Variants in LAMA4 observed in about 807,000 individuals in gnomAD.
LAMA4 encodes the protein laminin subunit alpha 4.
Under a neutral mutation model 207.1 loss-of-function variants are expected in LAMA4, and 127 were observed. The ratio of observed to expected loss-of-function variants is 0.61; its 90% CI spans 0.53 to 0.71. The LOEUF is 0.71. Ranked by LOEUF, LAMA4 falls within the 30% of genes least tolerant of loss-of-function variation. The pLI, the probability that LAMA4 is intolerant of heterozygous loss-of-function variation, is 0.00. For synonymous variants in LAMA4, 761 were observed against 816.0 expected, an observed-to-expected ratio of 0.93 and a Z score of 1.15; for missense variants, 2,093 against 2,246.5, an observed-to-expected ratio of 0.93 and a Z score of 1.38.
At chr6:112,187,679 C>G in intron 7 of LAMA4, 78 bp from the exon 8 acceptor site, 1 of 1,390,364 alleles carries the variant, frequency 7.2e-7, no homozygotes, top group Non-Finnish European at 1.0e-6. Flanking sequence ...ACATAAATCT[C>G]TATTTCCTTG....
At position 112,191,776 on chromosome 6, in the gene LAMA4, G is replaced by A. The variant is rs147870828; in HGVS notation, c.578C>T (p.Ser193Leu). 3.0e-5 allele frequency: 48 copies of A among 1,614,156 alleles called. No individual in the cohort carries two copies. In the African/African-American group the frequency reaches 5.9e-4, roughly 20 times the overall value. The stretch of plus-strand genomic sequence containing the variant: ...ATCTTCAAAGATCAGGTTGGGATCT[G>A]AATTTCCACTGCAGTCACATTTCTT... The part of the protein sequence containing the change: ...TCKKCDCSGN[S>L]DPNLIFEDCD... Residue 193 changes from serine (S) to leucine (L), a missense_variant, in exon 6 of 39, where the codon TCA (serine) becomes TTA (leucine). Physicochemically the swap from Ser to Leu is moderately radical, Grantham distance 145. Around this residue, in one of 3 missense-constraint regions of LAMA4, gnomAD observed 1,704 missense variants for 1,788.4 expected, o/e 0.95. Coordinates refer to ENST00000230538, the MANE Select transcript of LAMA4 (RefSeq NM_001105206.3).
chr6:112,155,493 A>G lies in LAMA4; in HGVS notation c.1959+72T>C, dbSNP rs149491064. 223 of 1,539,962 alleles carry G rather than the reference A, an allele frequency of 1.4e-4. No individual in the cohort carries two copies. In the African/African-American group the frequency reaches 2.7e-3, roughly 19 times the overall value. On this transcript the variant is annotated intron_variant, in intron 15 of 38. Coordinates refer to ENST00000230538, the MANE Select transcript of LAMA4 (RefSeq NM_001105206.3). The stretch of plus-strand genomic sequence containing the variant: ...CATTTGGATTTCACACTGGAAGTTC[A>G]AGAGATGACATCAGAAAACAGAAAA...
intron 11 of LAMA4, among the ~76,000 whole-genome samples, chr6:112,174,819 C>T (rs1781928233): frequency 6.6e-6 from 1 of 152,228 alleles, no homozygotes; most frequent in African/African-American, 2.4e-5. Context: ...CAATTGATAA[C>T]TGATACAGTG....
chr6:112,198,985 G>A (rs1366418801), intron 5 of LAMA4, among the ~76,000 whole-genome samples: 1 of 152,182 alleles, frequency 6.6e-6, no homozygotes, highest in African/African-American at 2.4e-5. Flanking sequence ...AAGTGGTGGA[G>A]CTGAGATTCA....
At chr6:112,172,419 T>C (rs1781767944) in intron 12 of LAMA4, 192 bp downstream of exon 12, 1 of 601,276 alleles carries the variant, frequency 1.7e-6, no homozygotes, top group Admixed American at 2.6e-5. Flanking sequence ...AACTAGACAA[T>C]TATCCTAGTT....
intron 34 of LAMA4, 100 bp downstream of exon 34, chr6:112,119,056 G>T: frequency 1.7e-6 from 2 of 1,199,152 alleles, no homozygotes; most frequent in East Asian, 2.4e-5. Flanking sequence ...AGTTTTACTG[G>T]TGCTAGTTTC....
chr6:112,176,283 A>T lies in LAMA4; in HGVS notation c.1190-803T>A, dbSNP rs1341854700. Among the ~76,000 whole-genome samples the T allele has an allele frequency of 3.3e-5, 5 of 152,284 alleles. No homozygotes were observed. In the East Asian group the frequency reaches 9.7e-4, roughly 29 times the overall value. ...TCTTTGAATCCCTCATTCCTACTAC[A>T]TATGATGAGAAGGAAGGTATGTAAT... is the stretch of plus-strand genomic sequence containing the variant. On this transcript the variant is annotated intron_variant, in intron 10 of 38. Coordinates refer to ENST00000230538, the MANE Select transcript of LAMA4 (RefSeq NM_001105206.3).
At chr6:112,233,967 A>G (rs2114286702) in intron 2 of LAMA4, among the ~76,000 whole-genome samples, 1 of 152,268 alleles carries the variant, frequency 6.6e-6, no homozygotes, top group East Asian at 1.9e-4. Flanking sequence ...ATTGTAGATA[A>G]TATTGGAGGC....
Position 112,150,598 on chromosome 6 carries a change from T to G in LAMA4, c.2086A>C (p.Arg696=). Residue 696 remains arginine (R), a synonymous_variant, in exon 17 of 39, where the codon AGG becomes CGG. Transcript: ENST00000230538. ...SSDEAVADTS[R]RVGGALARKS... Reference sequence around the variant, plus strand: ...CTTGCTAGGGCTCCACCCACACGCCTGCTAGTGTCAGCCACTGCTTCATCA... The same window carrying G: ...CTTGCTAGGGCTCCACCCACACGCCGGCTAGTGTCAGCCACTGCTTCATCA... 6.2e-7 allele frequency: 1 copy of G among 1,614,020 alleles called. No homozygotes were observed.
At chr6:112,205,765 C>A (rs925069355) in intron 4 of LAMA4, among the ~76,000 whole-genome samples, 8 of 152,126 alleles carry the variant, frequency 5.3e-5, no homozygotes, top group Non-Finnish European at 1.5e-5. Context: ...CACCGAGGAA[C>A]CAAACATGTA....
intron 2 of LAMA4, among the ~76,000 whole-genome samples, chr6:112,227,051 T>A (rs1785256493): frequency 6.8e-6 from 1 of 146,830 alleles, no homozygotes; most frequent in South Asian, 2.2e-4. Context: ...TTTTATTTAT[T>A]TATTTATTTA....
At chr6:112,149,502 G>A (rs11969673) in intron 17 of LAMA4, among the ~76,000 whole-genome samples, 45,575 of 151,952 alleles carry the variant, frequency 0.3, 7,389 homozygotes, top group African/African-American at 0.43. Context: ...ATGAGATCTC[G>A]TGGTTTTATA....
At chr6:112,185,981 G>A (rs1345504330) in intron 8 of LAMA4, among the ~76,000 whole-genome samples, 2 of 152,174 alleles carry the variant, frequency 1.3e-5, no homozygotes, top group Non-Finnish European at 2.9e-5. Flanking sequence ...CTCCCCTGGG[G>A]GGTAGTGTCT....
chr6:112,165,954 C>T (rs1781360340), intron 12 of LAMA4, among the ~76,000 whole-genome samples: 1 of 151,988 alleles, frequency 6.6e-6, no homozygotes, highest in Non-Finnish European at 1.5e-5. Context: ...ATGGGGCTTC[C>T]AATGAGTTTA....
At chr6:112,221,228 T>C (rs1245099189) in intron 2 of LAMA4, among the ~76,000 whole-genome samples, 2 of 152,180 alleles carry the variant, frequency 1.3e-5, no homozygotes, top group Non-Finnish European at 1.5e-5. Flanking sequence ...GAATTAATTA[T>C]AACAAAATTC....
intron 11 of LAMA4, among the ~76,000 whole-genome samples, chr6:112,173,920 T>C (rs1222802617): frequency 6.6e-6 from 1 of 152,236 alleles, no homozygotes; most frequent in Non-Finnish European, 1.5e-5. Context: ...GAGACTAATA[T>C]ATTTAAAAAC....
chr6:112,179,978 T>C (rs782732285), intron 9 of LAMA4: 2 of 525,764 alleles, frequency 3.8e-6, no homozygotes, highest in African/African-American at 1.9e-5. Context: ...TTTGTGGTCA[T>C]TTTAAAATTA....
intron 31 of LAMA4, among the ~76,000 whole-genome samples, chr6:112,124,352 G>A (rs1207475377): frequency 6.6e-6 from 1 of 152,202 alleles, no homozygotes; most frequent in Non-Finnish European, 1.5e-5. Context: ...CTGCTTCAGT[G>A]TGGGAATACA....
chr6:112,129,836 T>C (rs1478097826), intron 30 of LAMA4, 40 bp downstream of exon 30: 1 of 1,423,636 alleles, frequency 7.0e-7, no homozygotes, highest in East Asian at 2.5e-5. Flanking sequence ...TGATTTTATT[T>C]ATCAATCATG....
Sources: gnomAD v4.1 joint callset for allele counts (sites outside exome capture counted in the v4.1 genomes callset) on GRCh38, gnomAD v4.1.1 for gene constraint, gnomAD v4.1.1 regional missense constraint, MANE v1.5 for transcripts, NCBI Gene and HGNC (gene_info 2026-07-23, HGNC 2026-07-21) for gene names.